The following ZNF519 variants were observed in gnomAD, a reference collection of about 807,000 sequenced individuals.
ZNF519 encodes zinc finger protein 519.
Under a neutral mutation model 7.4 loss-of-function variants are expected in ZNF519, and 7 were observed. The observed-to-expected ratio is 0.94, with a 90% CI of 0.54 to 1.77. ZNF519 has a LOEUF of 1.77. Among genes scored for constraint, ZNF519 ranks in the 40% most tolerant of loss-of-function variants. ZNF519 has a pLI of 0.00. For synonymous variants in ZNF519, 179 were observed against 203.3 expected, an observed-to-expected ratio of 0.88 and a Z score of 1.02; for missense variants, 586 against 623.1, an observed-to-expected ratio of 0.94 and a Z score of 0.63.
intron 2 of ZNF519, among the ~76,000 whole-genome samples, chr18:14,117,533 T>C (rs1346279026): frequency 1.3e-5 from 2 of 152,158 alleles, no homozygotes; most frequent in Non-Finnish European, 2.9e-5. Flanking sequence ...GAAAGAAATA[T>C]TTGCACATCC....
rs2046170957 is a variant in ZNF519, at chr18:14,103,240, C to T, written c.*1677G>A. 6.6e-6 allele frequency: 1 copy of T among 152,000 alleles called. No homozygotes were observed. The highest frequency in any genetic ancestry group is 2.4e-5 in the African/African-American group (1 of 41,384). The allele number at this position is 152,000 out of a possible 1,614,324, so 9.4% of individuals were successfully genotyped here. A position where few individuals can be genotyped will look rare whatever the true frequency, so the allele number is the denominator to read the frequency against. ...GAATTCTCAAATTTATAGAATTTTC[C>T]ACTCAAAATTAGAAGTACACATAAA... On this transcript the variant is annotated 3_prime_UTR_variant, in exon 3 of 3. Coordinates refer to ENST00000590202, the MANE Select transcript of ZNF519 (RefSeq NM_145287.4).
intron 2 of ZNF519, among the ~76,000 whole-genome samples, chr18:14,093,285 C>T (rs72479190): frequency 0.039 from 5,973 of 152,254 alleles, 152 homozygotes; most frequent in East Asian, 0.13. Flanking sequence ...TCCCACTCAT[C>T]CCCCTCCATC....
chr18:14,105,938 T>A lies in ZNF519; in HGVS notation c.602A>T (p.Asn201Ile). The change falls in exon 3 of 3, where the codon AAT becomes ATT. Residue 201 changes from asparagine to isoleucine, a missense_variant. By Grantham distance (149) the Asn-to-Ile change is moderately radical. Coordinates refer to ENST00000590202, the MANE Select transcript of ZNF519 (RefSeq NM_145287.4). The part of the protein sequence containing the change: ...YQSSKLIFPE[N>I]IHIQKKPYNS... Reference sequence around the variant, plus strand: ...GTAAGGCTTTTTTTGAATATGGATATTTTCAGGGAAAATAAGCTTTGAGGA... The same window carrying A: ...GTAAGGCTTTTTTTGAATATGGATAATTTCAGGGAAAATAAGCTTTGAGGA... 2 of 1,608,688 alleles carry A rather than the reference T, an allele frequency of 1.2e-6. No individual in the cohort carries two copies. Among genetic ancestry groups the A allele is most frequent in the Non-Finnish European group, 1.7e-6 (2 of 1,177,544 alleles).
At chr18:14,091,358 C>A (rs2046113621) in intron 2 of ZNF519, among the ~76,000 whole-genome samples, 1 of 152,256 alleles carries the variant, frequency 6.6e-6, no homozygotes, top group East Asian at 1.9e-4. Context: ...CAGTGGAAAG[C>A]TGAGAAAAGT....
At chr18:14,098,045 G>GAT (rs1249750795), downstream of ZNF519, among the ~76,000 whole-genome samples, 1 of 151,994 alleles carries the variant, frequency 6.6e-6, no homozygotes, top group Non-Finnish European at 1.5e-5. Flanking sequence ...TATTTCCAAT[G>GAT]ATAGACCCTC....
intron 2 of ZNF519, among the ~76,000 whole-genome samples, chr18:14,108,476 T>G (rs776234772): frequency 6.6e-6 from 1 of 152,126 alleles, no homozygotes; most frequent in African/African-American, 2.4e-5. Context: ...GCTACCCACT[T>G]TCAGGTCCCC....
At chr18:14,112,727 T>C (rs772899925) in intron 2 of ZNF519, among the ~76,000 whole-genome samples, 9 of 151,994 alleles carry the variant, frequency 5.9e-5, no homozygotes, top group Admixed American at 3.3e-4. Context: ...CCAAAGAAAT[T>C]AAAGATCTGT....
Position 14,132,393 on chromosome 18 carries a change from A to G in ZNF519, c.-116T>C. 7.5e-7 allele frequency: 1 copy of G among 1,330,730 alleles called. No individual in the cohort carries two copies. Among genetic ancestry groups the G allele is most frequent in the South Asian group, 1.2e-5 (1 of 80,332 alleles). 82.4% of individuals were successfully genotyped at this position (1,330,730 alleles called of 1,614,324 possible). On this transcript the variant is annotated 5_prime_UTR_variant, in exon 1 of 3. Coordinates refer to ENST00000590202, the MANE Select transcript of ZNF519 (RefSeq NM_145287.4). Reference sequence around the variant, plus strand: ...GAAGTCTCCCGGAGCAGAGGACACAAGGCAATGAAGCCCTAACCCCGCGCT... The same window carrying G: ...GAAGTCTCCCGGAGCAGAGGACACAGGGCAATGAAGCCCTAACCCCGCGCT...
intron 1 of ZNF519, among the ~76,000 whole-genome samples, chr18:14,125,958 T>C (rs2046297204): frequency 6.6e-6 from 1 of 152,214 alleles, no homozygotes; most frequent in Non-Finnish European, 1.5e-5. Flanking sequence ...AGTGCTGGGA[T>C]TACAGGCATG....
In ZNF519 at chr18:14,104,614, G is replaced by C. The variant is rs1271438005; in HGVS notation, c.*303C>G. ...GAATACTGTGATTACAAAAATAAGT[G>C]AACATTGAATATAATTATGCCTCTC... On this transcript the variant is annotated 3_prime_UTR_variant, in exon 3 of 3. Transcript: ENST00000590202. 4.0e-6 allele frequency: 1 copy of C among 252,158 alleles called. No individual in the cohort carries two copies. The highest frequency in any genetic ancestry group is 7.4e-6 in the Non-Finnish European group (1 of 134,246). The allele number at this position is 252,158 out of a possible 1,614,324, so 15.6% of individuals were successfully genotyped here.
intron 2 of ZNF519, among the ~76,000 whole-genome samples, chr18:14,114,403 C>T (rs1372739085): frequency 1.3e-5 from 2 of 152,110 alleles, no homozygotes; most frequent in South Asian, 2.1e-4. Context: ...TTCCTTTCCT[C>T]AATATATATT....
chr18:14,094,094 AG>A (rs1384553476), intron 2 of ZNF519, among the ~76,000 whole-genome samples: 2 of 152,206 alleles, frequency 1.3e-5, no homozygotes, highest in Non-Finnish European at 2.9e-5. Context: ...TTCATGCTAC[AG>A]GAAGTCCTCA....
chr18:14,101,534 C>T lies in ZNF519; in HGVS notation c.*3383G>A, dbSNP rs2046161210. On this transcript the variant is annotated 3_prime_UTR_variant, in exon 3 of 3. Coordinates refer to ENST00000590202, the MANE Select transcript of ZNF519 (RefSeq NM_145287.4). ...GAAGGAAGGAAACAGACTCAGGGTCCCTTGGATTAAAACTGTGGGTCACTC... is the reference window on the plus strand; with the variant it reads ...GAAGGAAGGAAACAGACTCAGGGTCTCTTGGATTAAAACTGTGGGTCACTC... 2.5e-6 allele frequency: 1 copy of T among 396,924 alleles called. No individual in the cohort carries two copies. The highest frequency in any genetic ancestry group is 4.4e-6 in the Non-Finnish European group (1 of 225,624). The allele number at this position is 396,924 out of a possible 1,614,324, so 24.6% of individuals were successfully genotyped here. A position where few individuals can be genotyped will look rare whatever the true frequency, so the allele number is the denominator to read the frequency against.
intron 1 of ZNF519, among the ~76,000 whole-genome samples, chr18:14,126,429 C>G (rs1313317755): frequency 6.6e-6 from 1 of 152,126 alleles, no homozygotes; most frequent in Admixed American, 6.5e-5. Context: ...CAAATAATAA[C>G]TTCTCTTCTG....
chr18:14,083,794 G>T (rs757622321), intron 3 of ZNF519, among the ~76,000 whole-genome samples: 2 of 152,156 alleles, frequency 1.3e-5, no homozygotes, highest in Non-Finnish European at 2.9e-5. Context: ...AGTAGAACAA[G>T]TTTCCCCTTA....
At position 14,110,116 on chromosome 18, in the gene ZNF519, C is replaced by T. The variant is rs186725494; in HGVS notation, c.131-3707G>A. ...AGGAAACAACACCCTATTCAATAAACGGTGCTAGGAAAACTGGCAAGCCAC... is the reference window on the plus strand; with the variant it reads ...AGGAAACAACACCCTATTCAATAAATGGTGCTAGGAAAACTGGCAAGCCAC... On this transcript the variant is annotated intron_variant, in intron 2 of 2. Coordinates refer to ENST00000590202, the MANE Select transcript of ZNF519 (RefSeq NM_145287.4). 1.7e-4 allele frequency among the ~76,000 whole-genome samples: 26 copies of T among 152,130 alleles called. No homozygotes were observed. The Middle Eastern group carries it at 0.01, about 60-fold the overall frequency.
intron 2 of ZNF519, among the ~76,000 whole-genome samples, chr18:14,094,008 A>C (rs1260629994): frequency 1.3e-5 from 2 of 152,190 alleles, no homozygotes; most frequent in African/African-American, 4.8e-5. Flanking sequence ...ATTTCCTTGA[A>C]GTTTTCCTAT....
chr18:14,111,205 GA>G (rs377320647), intron 2 of ZNF519, among the ~76,000 whole-genome samples: 2 of 118,954 alleles, frequency 1.7e-5, no homozygotes, highest in Non-Finnish European at 3.7e-5. Context: ...GCCAGACTAA[GA>G]AAAAAAAAGA....
downstream of ZNF519, among the ~76,000 whole-genome samples, chr18:14,097,232 A>G (rs1295503818): frequency 2.0e-5 from 3 of 152,190 alleles, no homozygotes; most frequent in Non-Finnish European, 2.9e-5. Flanking sequence ...TTCTTATTAC[A>G]ATGAAGAAAA....
Sources: allele counts gnomAD v4.1 joint callset (sites outside exome capture counted in the v4.1 genomes callset), GRCh38; gene constraint gnomAD v4.1.1; transcripts MANE v1.5; gene names NCBI Gene and HGNC (gene_info 2026-07-23, HGNC 2026-07-21).